SNCAIP: variants seen among roughly 807,000 people sequenced by gnomAD.
SNCAIP encodes synuclein alpha interacting protein.
SNCAIP carries 43 observed loss-of-function variants against 86.7 expected under a neutral mutation model. That is an observed-to-expected ratio of 0.50 (90% CI 0.39 to 0.64). The LOEUF (loss-of-function observed/expected upper bound fraction) is 0.64. SNCAIP is among the 30% of genes least tolerant of loss of function. SNCAIP has a pLI of 0.00. For missense variants in SNCAIP, 981 were observed against 1,103.1 expected (o/e 0.89, Z 1.57); for synonymous variants, 417 against 427.2 (o/e 0.98, Z 0.29).
At chr5:122,380,939 C>G (rs7443545) in intron 1 of SNCAIP, among the ~76,000 whole-genome samples, 27,253 of 148,144 alleles carry the variant, frequency 0.18, 3,131 homozygotes, top group Non-Finnish European at 0.27. Flanking sequence ...TTTACATTTG[C>G]TGAGGAGAGC....
intron 2 of SNCAIP, among the ~76,000 whole-genome samples, chr5:122,397,778 A>T (rs1770931119): frequency 6.6e-6 from 1 of 152,156 alleles, no homozygotes; most frequent in Non-Finnish European, 1.5e-5. Flanking sequence ...TATTCAAAAG[A>T]TTGAACTGTG....
intron 1 of SNCAIP, among the ~76,000 whole-genome samples, chr5:122,347,407 T>C (rs1042534776): frequency 1.3e-5 from 2 of 151,676 alleles, no homozygotes; most frequent in Non-Finnish European, 2.9e-5. Context: ...TTTTTTTTTT[T>C]TTTTTCTTCT....
chr5:122,440,705 AC>A lies in SNCAIP; in HGVS notation c.1374del (p.Asn458LysfsTer6). On this transcript the variant is annotated frameshift_variant, in exon 7 of 11. Transcript: ENST00000261368. LOFTEE classifies it high-confidence loss of function. ...TTGGATGAAGTAGACCAGGATGGCA[AC>A]AGTGCCGTTCACGTAGCCTCACAGC... is the stretch of plus-strand genomic sequence containing the variant. ...ISLDEVDQDG[N>X]SAVHVASQHG... 6.2e-7 allele frequency: 1 copy of A among 1,614,078 alleles called. No individual in the cohort carries two copies. The highest frequency in any genetic ancestry group is 8.5e-7 in the Non-Finnish European group (1 of 1,179,908).
chr5:122,369,073 A>G (rs1297227322), intron 1 of SNCAIP, among the ~76,000 whole-genome samples: 1 of 152,154 alleles, frequency 6.6e-6, no homozygotes, highest in East Asian at 1.9e-4. Flanking sequence ...AAGCACTCCC[A>G]CAGATGCTCC....
chr5:122,411,582 A>G (rs1774137848), intron 3 of SNCAIP, among the ~76,000 whole-genome samples: 2 of 152,266 alleles, frequency 1.3e-5, no homozygotes, highest in South Asian at 4.1e-4. Flanking sequence ...AAAAAGTCAT[A>G]AAGTAAACAC....
rs201159128 is a variant in SNCAIP, at chr5:122,450,571, A to C, written c.1724A>C (p.Lys575Thr). ...SSPASRKSQWKSPDADDDSVA... is the reference protein window; with the variant it reads ...SSPASRKSQWTSPDADDDSVA... ...CCTGCCTCCAGAAAGTCCCAGTGGA[A>C]ATCTCCAGATGCAGATGATGATTCT... The change falls in exon 10 of 11, where the codon AAA becomes ACA. Residue 575 changes from lysine to threonine, a missense_variant. Coordinates refer to ENST00000261368, the MANE Select transcript of SNCAIP (RefSeq NM_005460.4). The C allele has an allele frequency of 8.5e-5, 138 of 1,614,104 alleles. No homozygotes were observed. In the Admixed American group the frequency reaches 1.7e-3, roughly 20 times the overall value.
intron 1 of SNCAIP, among the ~76,000 whole-genome samples, chr5:122,376,890 G>A (rs767758985): frequency 7.2e-5 from 11 of 152,100 alleles, no homozygotes; most frequent in Non-Finnish European, 1.5e-4. Flanking sequence ...CTCAGACTAC[G>A]CAAAATCTTT....
intron 1 of SNCAIP, among the ~76,000 whole-genome samples, chr5:122,317,305 A>G (rs1481527726): frequency 6.6e-6 from 1 of 152,216 alleles, no homozygotes; most frequent in Non-Finnish European, 1.5e-5. Flanking sequence ...CAAGTAGGAA[A>G]GGGCATATAC....
chr5:122,423,267 T>A lies in SNCAIP; in HGVS notation c.530T>A (p.Ile177Asn), dbSNP rs1776751056. ...SFTKVTSEKR[I>N]LGLCTTINGL... ...ACCAAGGTGACTTCAGAAAAAAGAA[T>A]TTTGGGCTTATGCACAACCATCAAT... is the stretch of plus-strand genomic sequence containing the variant. The change falls in exon 4 of 11, where the codon ATT (isoleucine) becomes AAT (asparagine). Residue 177 changes from isoleucine to asparagine, a missense_variant. By Grantham distance (149) the Ile-to-Asn change is moderately radical. Transcript: ENST00000261368. 1.9e-6 allele frequency: 3 copies of A among 1,614,178 alleles called. No homozygotes were observed. The highest frequency in any genetic ancestry group is 2.5e-6 in the Non-Finnish European group (3 of 1,180,032).
At chr5:122,424,498 T>G (rs1264047845) in intron 4 of SNCAIP, among the ~76,000 whole-genome samples, 1 of 152,250 alleles carries the variant, frequency 6.6e-6, no homozygotes, top group African/African-American at 2.4e-5. Context: ...TCATCACATC[T>G]TGGCAATGTG....
chr5:122,425,939 C>A (rs867515898), intron 5 of SNCAIP, among the ~76,000 whole-genome samples: 1 of 152,084 alleles, frequency 6.6e-6, no homozygotes, highest in African/African-American at 2.4e-5. Flanking sequence ...ACAAAGTGGG[C>A]GCTTAACGGA....
chr5:122,448,394 G>C (rs980153268), intron 8 of SNCAIP, among the ~76,000 whole-genome samples: 1 of 151,550 alleles, frequency 6.6e-6, no homozygotes, highest in African/African-American at 2.4e-5. Flanking sequence ...CCCACTACTT[G>C]GGAAGCTGAG....
intron 10 of SNCAIP, among the ~76,000 whole-genome samples, chr5:122,461,191 C>A (rs959810640): frequency 6.6e-6 from 1 of 152,158 alleles, no homozygotes; most frequent in Admixed American, 6.5e-5. Context: ...ATTTCATTTT[C>A]TTTTGCTTCT....
chr5:122,407,004 C>T (rs899894864), intron 3 of SNCAIP, among the ~76,000 whole-genome samples: 6 of 152,178 alleles, frequency 3.9e-5, no homozygotes, highest in Admixed American at 2.0e-4. Context: ...CATTTACTCT[C>T]TTATTTATTT....
intron 1 of SNCAIP, among the ~76,000 whole-genome samples, chr5:122,326,509 A>G (rs1754073563): frequency 6.6e-6 from 1 of 151,772 alleles, no homozygotes; most frequent in Admixed American, 6.6e-5. Flanking sequence ...TAGTTATTGA[A>G]ATTTCAAACC....
At chr5:122,400,700 A>C (rs1771615845) in intron 2 of SNCAIP, among the ~76,000 whole-genome samples, 1 of 152,214 alleles carries the variant, frequency 6.6e-6, no homozygotes, top group African/African-American at 2.4e-5. Flanking sequence ...AGAGGAGGGC[A>C]TTGCATGAAT....
chr5:122,320,586 T>C (rs1752713926), intron 1 of SNCAIP, among the ~76,000 whole-genome samples: 1 of 152,228 alleles, frequency 6.6e-6, no homozygotes, highest in African/African-American at 2.4e-5. Context: ...AAAACTCTGA[T>C]CACAAAACAT....
chr5:122,352,814 A>T (rs1760146813), intron 1 of SNCAIP, among the ~76,000 whole-genome samples: 1 of 152,204 alleles, frequency 6.6e-6, no homozygotes, highest in African/African-American at 2.4e-5. Context: ...ATTCAAGACC[A>T]GCCTAGGCAG....
At chr5:122,344,453 A>G (rs577821073) in intron 1 of SNCAIP, among the ~76,000 whole-genome samples, 2 of 152,328 alleles carry the variant, frequency 1.3e-5, no homozygotes, top group African/African-American at 4.8e-5. Flanking sequence ...CTCATTTTAT[A>G]TAATTAGTTT....
Sources: gnomAD v4.1 joint callset for allele counts (sites outside exome capture counted in the v4.1 genomes callset) on GRCh38, gnomAD v4.1.1 for gene constraint, MANE v1.5 for transcripts, NCBI Gene and HGNC (gene_info 2026-07-23, HGNC 2026-07-21) for gene names.